ZNF385D: variants seen among roughly 807,000 people sequenced by gnomAD.
ZNF385D encodes zinc finger protein 385D.
ZNF385D carries 15 observed loss-of-function variants against 35.8 expected under a neutral mutation model. The ratio of observed to expected loss-of-function variants is 0.42; its 90% CI spans 0.28 to 0.64. The LOEUF (loss-of-function observed/expected upper bound fraction) is 0.64. Ranked by LOEUF, ZNF385D falls within the 30% of genes least tolerant of loss-of-function variation. The pLI is 0.23. For synonymous variants in ZNF385D, 212 were observed against 186.8 expected (o/e 1.13, Z -1.10); for missense variants, 474 against 494.6 (o/e 0.96, Z 0.39).
intron 1 of ZNF385D, among the ~76,000 whole-genome samples, chr3:21,704,669 C>A (rs113345442): frequency 2.0e-4 from 31 of 151,982 alleles, no homozygotes; most frequent in African/African-American, 7.0e-4. Context: ...CCACCAGGCC[C>A]AGCTAGGATA....
intron 3 of ZNF385D, among the ~76,000 whole-genome samples, chr3:21,516,605 G>A (rs1707582124): frequency 6.6e-6 from 1 of 152,118 alleles, no homozygotes; most frequent in South Asian, 2.1e-4. Context: ...CCATAACTGG[G>A]CCTTTCTTTA....
rs569371697 is a variant in ZNF385D at position 21,759,423 on chromosome 3, A to G, written c.326-94395T>C. On this transcript the variant is annotated intron_variant, in intron 3 of 5. Coordinates refer to the ZNF385D transcript ENST00000494108. Reference sequence around the variant, plus strand: ...GGTTGGAGAAGAAAACACAGATGCCATATTGGATGAGATCTCCCATTCAAG... The same window carrying G: ...GGTTGGAGAAGAAAACACAGATGCCGTATTGGATGAGATCTCCCATTCAAG... Among the ~76,000 whole-genome samples the G allele has an allele frequency of 1.6e-4, 24 of 152,274 alleles. 1 individual carries two copies. The South Asian group carries it at 4.1e-3, about 26-fold the overall frequency.
chr3:22,143,369 C>G (rs1413649252), intron 3 of ZNF385D, among the ~76,000 whole-genome samples: 1 of 152,106 alleles, frequency 6.6e-6, no homozygotes, highest in Non-Finnish European at 1.5e-5. Context: ...CAGGCATGAG[C>G]CACCAAAATC....
At chr3:22,321,668 T>G (rs1485311115) in intron 2 of ZNF385D, among the ~76,000 whole-genome samples, 1 of 152,112 alleles carries the variant, frequency 6.6e-6, no homozygotes, top group Non-Finnish European at 1.5e-5. Flanking sequence ...CCCGGCTCAG[T>G]CTATATGTAT....
chr3:21,825,556 C>G (rs963356226), intron 3 of ZNF385D, among the ~76,000 whole-genome samples: 2 of 152,204 alleles, frequency 1.3e-5, no homozygotes, highest in East Asian at 3.9e-4. Context: ...GACATAGGCC[C>G]TAAATTTTCA....
chr3:21,872,993 T>C (rs985310116), intron 3 of ZNF385D, among the ~76,000 whole-genome samples: 3 of 152,276 alleles, frequency 2.0e-5, no homozygotes, highest in South Asian at 2.1e-4. Context: ...AGTCGATTTA[T>C]GTACAAAGAA....
chr3:21,994,346 T>C (rs765215365), intron 3 of ZNF385D, among the ~76,000 whole-genome samples: 3 of 152,246 alleles, frequency 2.0e-5, no homozygotes, highest in Non-Finnish European at 4.4e-5. Context: ...TTGTACTTGT[T>C]AATTTTATTC....
intron 2 of ZNF385D, among the ~76,000 whole-genome samples, chr3:22,285,723 C>A (rs918441071): frequency 2.0e-5 from 3 of 152,042 alleles, no homozygotes; most frequent in African/African-American, 7.2e-5. Context: ...TGATGTTCCC[C>A]TTCCCTAGTA....
intron 3 of ZNF385D, among the ~76,000 whole-genome samples, chr3:22,069,489 A>C (rs1471015765): frequency 2.6e-5 from 4 of 152,204 alleles, no homozygotes; most frequent in Non-Finnish European, 5.9e-5. Flanking sequence ...TATAAAGGTA[A>C]CATAAACAAT....
At chr3:21,929,833 CACCATTTTGAA>C (rs1293057946) in intron 3 of ZNF385D, among the ~76,000 whole-genome samples, 2 of 152,000 alleles carry the variant, frequency 1.3e-5, no homozygotes, top group African/African-American at 4.8e-5. Flanking sequence ...ATTCTGCGTT[CACCATTTTGAA>C]GGCTTAATTT....
At chr3:22,013,772 G>C (rs1696717051) in intron 3 of ZNF385D, among the ~76,000 whole-genome samples, 1 of 152,056 alleles carries the variant, frequency 6.6e-6, no homozygotes, top group Non-Finnish European at 1.5e-5. Flanking sequence ...AGCTCATCAG[G>C]GAGCATCTGG....
intron 2 of ZNF385D, among the ~76,000 whole-genome samples, chr3:22,220,616 T>C (rs977726064): frequency 6.6e-6 from 1 of 152,196 alleles, no homozygotes; most frequent in Non-Finnish European, 1.5e-5. Context: ...TTTAGAATTT[T>C]GCATAATAAT....
intron 2 of ZNF385D, among the ~76,000 whole-genome samples, chr3:22,356,656 A>C (rs993097271): frequency 2.6e-5 from 4 of 151,978 alleles, no homozygotes; most frequent in African/African-American, 9.7e-5. Context: ...CATAGAATGC[A>C]AAGTGTTATG....
intron 2 of ZNF385D, among the ~76,000 whole-genome samples, chr3:22,236,346 T>G (rs1699183483): frequency 6.6e-6 from 1 of 152,120 alleles, no homozygotes; most frequent in Admixed American, 6.6e-5. Flanking sequence ...TTTTATTTAT[T>G]TATTAGATGG....
At chr3:22,257,093 G>T (rs1266505948) in intron 2 of ZNF385D, among the ~76,000 whole-genome samples, 4 of 151,772 alleles carry the variant, frequency 2.6e-5, no homozygotes, top group Non-Finnish European at 5.9e-5. Context: ...ACAGAAGGCT[G>T]AAACAACAGG....
At chr3:22,325,074 T>G (rs1030451385) in intron 2 of ZNF385D, among the ~76,000 whole-genome samples, 1 of 152,234 alleles carries the variant, frequency 6.6e-6, no homozygotes, top group East Asian at 1.9e-4. Context: ...GTACTTAGTA[T>G]AGTGCACGCC....
chr3:21,961,824 G>A (rs965103028), intron 3 of ZNF385D, among the ~76,000 whole-genome samples: 1 of 152,040 alleles, frequency 6.6e-6, no homozygotes, highest in Non-Finnish European at 1.5e-5. Flanking sequence ...GGGATGGGGA[G>A]CAACTCTGAA....
chr3:21,798,477 G>C (rs1237509309), intron 3 of ZNF385D, among the ~76,000 whole-genome samples: 2 of 152,268 alleles, frequency 1.3e-5, no homozygotes, highest in East Asian at 3.9e-4. Flanking sequence ...TTTTCTCACA[G>C]CATGGAAGCT....
intron 2 of ZNF385D, among the ~76,000 whole-genome samples, chr3:21,630,793 C>T (rs2065258850): frequency 6.6e-6 from 1 of 152,112 alleles, no homozygotes; most frequent in South Asian, 2.1e-4. Context: ...ATCTATTGAG[C>T]ACACATTATG....
Sources: allele counts gnomAD v4.1 joint callset (sites outside exome capture counted in the v4.1 genomes callset), GRCh38; gene constraint gnomAD v4.1.1; transcripts MANE v1.5; gene names NCBI Gene and HGNC (gene_info 2026-07-23, HGNC 2026-07-21).